Variants in CBLB observed in about 807,000 individuals in gnomAD.
CBLB encodes Cbl proto-oncogene B.
CBLB carries 31 observed loss-of-function variants against 104.9 expected under a neutral mutation model. That is an observed-to-expected ratio of 0.30 (90% CI 0.22 to 0.40). The LOEUF is 0.40. Among genes scored for constraint, CBLB ranks in the 10% least tolerant of loss-of-function variants. The pLI is 1.00. For missense variants in CBLB, 1,062 were observed against 1,214.6 expected (o/e 0.87, Z 1.87); for synonymous variants, 440 against 422.6 (o/e 1.04, Z -0.51).
At chr3:105,790,777 C>G (rs2081541590) in intron 3 of CBLB, among the ~76,000 whole-genome samples, 1 of 152,130 alleles carries the variant, frequency 6.6e-6, no homozygotes, top group African/African-American at 2.4e-5. Context: ...TGAAGGCATA[C>G]AGATGTAGAC....
At chr3:105,842,338 T>G (rs1182192419) in intron 3 of CBLB, among the ~76,000 whole-genome samples, 3 of 152,234 alleles carry the variant, frequency 2.0e-5, no homozygotes, top group Non-Finnish European at 4.4e-5. Context: ...AGCTTCAGGC[T>G]CTTCGCAGTC....
rs769677703 is a variant in CBLB, at chr3:105,734,030, G to A, written c.1182C>T (p.Thr394=). ...KIEPCGHLMC[T]SCLTAWQESD... ...ATACCTGCCATGCCGTAAGGCAAGA[G>A]GTGCACATCAAATGCCCACAAGGCT... is the stretch of plus-strand genomic sequence containing the variant. Residue 394 remains threonine, a synonymous_variant, in exon 9 of 19, where the codon ACC becomes ACT. Coordinates refer to ENST00000394030, the MANE Select transcript of CBLB (RefSeq NM_170662.5). 44 of 1,613,780 alleles carry A rather than the reference G, an allele frequency of 2.7e-5. No individual in the cohort carries two copies. The highest frequency in any genetic ancestry group is 3.6e-5 in the Non-Finnish European group (42 of 1,179,780).
chr3:105,807,722 C>G (rs2083701803), intron 3 of CBLB, among the ~76,000 whole-genome samples: 1 of 152,070 alleles, frequency 6.6e-6, no homozygotes, highest in East Asian at 1.9e-4. Flanking sequence ...AGATCCTTCT[C>G]AAGACTATAC....
At chr3:105,685,868 T>C (rs2066937809) in intron 13 of CBLB, among the ~76,000 whole-genome samples, 1 of 152,210 alleles carries the variant, frequency 6.6e-6, no homozygotes, top group Admixed American at 6.5e-5. Flanking sequence ...GGTTGTTTTA[T>C]ATATTAAAGA....
At position 105,786,403 on chromosome 3, in the gene CBLB, G is replaced by T. The variant is rs528106635; in HGVS notation, c.420-9861C>A. The stretch of plus-strand genomic sequence containing the variant: ...GACAGAATAGATTTCCAGACTCACT[G>T]CAATGTCTCCGGTACTCTGAAAGGC... On this transcript the variant is annotated intron_variant, in intron 3 of 18. Coordinates refer to ENST00000394030, the MANE Select transcript of CBLB (RefSeq NM_170662.5). Among the ~76,000 whole-genome samples the T allele has an allele frequency of 3.9e-5, 6 of 152,244 alleles. No individual in the cohort carries two copies. The East Asian group carries it at 1.2e-3, about 29-fold the overall frequency.
At chr3:105,681,857 A>G (rs1240204130) in intron 14 of CBLB, 39 bp from the exon 15 acceptor site, 1 of 1,173,908 alleles carries the variant, frequency 8.5e-7, no homozygotes, top group Admixed American at 1.7e-5. Flanking sequence ...TAAGGAGAAT[A>G]CTTTCCAATT....
At chr3:105,842,698 C>A (rs1041476504) in intron 3 of CBLB, among the ~76,000 whole-genome samples, 1 of 152,104 alleles carries the variant, frequency 6.6e-6, no homozygotes, top group Non-Finnish European at 1.5e-5. Context: ...TGCCTTGTGT[C>A]CTTAAAAAAT....
At chr3:105,799,053 A>G (rs1445757912) in intron 3 of CBLB, among the ~76,000 whole-genome samples, 1 of 152,160 alleles carries the variant, frequency 6.6e-6, no homozygotes, top group Admixed American at 6.5e-5. Flanking sequence ...ATCCTTCAAG[A>G]TCTAACAAAG....
intron 3 of CBLB, among the ~76,000 whole-genome samples, chr3:105,828,190 C>T (rs1231873904): frequency 2.6e-5 from 4 of 151,940 alleles, no homozygotes; most frequent in Non-Finnish European, 5.9e-5. Context: ...TGTGGCTTCC[C>T]TTTAAGGGCA....
Position 105,702,312 on chromosome 3 carries a change from C to G in CBLB, c.1741G>C (p.Val581Leu). ...GGCATTGGCGGGTCTCTGGAAGGCA[C>G]GCTTTCCACATGATGGATGTGTCTA... ...LSRHIHHVES[V>L]PSRDPPMPLE... Residue 581 changes from valine (V) to leucine (L), a missense_variant, in exon 12 of 19, where the codon GTG (valine) becomes CTG (leucine). Physicochemically the swap from Val to Leu is conservative, Grantham distance 32. This residue lies in a region of CBLB where 605 missense variants were observed against 582.6 expected (regional missense o/e 1.04). Coordinates refer to ENST00000394030, the MANE Select transcript of CBLB (RefSeq NM_170662.5). The G allele has an allele frequency of 6.2e-7, 1 of 1,613,704 alleles. No homozygotes were observed.
upstream of CBLB, chr3:105,869,310 A>C: frequency 8.8e-7 from 1 of 1,137,910 alleles, no homozygotes; most frequent in Non-Finnish European, 1.2e-6. Flanking sequence ...AAATGGACGA[A>C]GGGATGCAAG....
At chr3:105,722,655 T>C (rs893013462) in intron 9 of CBLB, among the ~76,000 whole-genome samples, 1 of 152,200 alleles carries the variant, frequency 6.6e-6, no homozygotes, top group African/African-American at 2.4e-5. Flanking sequence ...CAAGCCACAC[T>C]ATTAGGCTAC....
chr3:105,787,859 G>A (rs1015461796), intron 3 of CBLB, among the ~76,000 whole-genome samples: 4 of 151,696 alleles, frequency 2.6e-5, no homozygotes, highest in African/African-American at 9.7e-5. Flanking sequence ...GAATAACATG[G>A]CCCTCAAAAC....
chr3:105,726,545 CTTTT>C (rs150919735), intron 9 of CBLB, among the ~76,000 whole-genome samples: 1 of 141,196 alleles, frequency 7.1e-6, no homozygotes, highest in African/African-American at 2.6e-5. Context: ...AGCCATTTTC[CTTTT>C]TTTTTTTTTT....
intron 12 of CBLB, among the ~76,000 whole-genome samples, chr3:105,699,698 A>C (rs2068829658): frequency 6.6e-6 from 1 of 152,196 alleles, no homozygotes; most frequent in Admixed American, 6.5e-5. Context: ...CTATGATCTA[A>C]TGAAGTGAAT....
chr3:105,722,313 C>T lies in CBLB; in HGVS notation c.1204-2063G>A, dbSNP rs1194648999. Among the ~76,000 whole-genome samples, 3 of 151,370 alleles carry T rather than the reference C, an allele frequency of 2.0e-5. No homozygotes were observed. In the East Asian group the frequency reaches 5.8e-4, roughly 29 times the overall value. On this transcript the variant is annotated intron_variant, in intron 9 of 18. Coordinates refer to ENST00000394030, the MANE Select transcript of CBLB (RefSeq NM_170662.5). Reference sequence around the variant, plus strand: ...ATGGAAAGCAGTACTTTGAGACGTACATAGTCTCATACATTTAAAAAAATT... The same window carrying T: ...ATGGAAAGCAGTACTTTGAGACGTATATAGTCTCATACATTTAAAAAAATT...
intron 3 of CBLB, among the ~76,000 whole-genome samples, chr3:105,804,371 A>G (rs1201587242): frequency 6.6e-6 from 1 of 151,294 alleles, no homozygotes; most frequent in Non-Finnish European, 1.5e-5. Flanking sequence ...ATACAAAAAA[A>G]CTGGCCAGGC....
intron 3 of CBLB, among the ~76,000 whole-genome samples, chr3:105,791,196 C>T (rs2081593523): frequency 6.6e-6 from 1 of 152,086 alleles, no homozygotes; most frequent in Non-Finnish European, 1.5e-5. Context: ...ATTGAGAAAA[C>T]AAGCAAAAGA....
At chr3:105,767,243 T>C (rs1026459429) in intron 4 of CBLB, among the ~76,000 whole-genome samples, 1 of 152,170 alleles carries the variant, frequency 6.6e-6, no homozygotes, top group Non-Finnish European at 1.5e-5. Flanking sequence ...ACCACTTCTT[T>C]TAATTTAATA....
Sources: gnomAD v4.1 joint callset for allele counts (sites outside exome capture counted in the v4.1 genomes callset) on GRCh38, gnomAD v4.1.1 for gene constraint, gnomAD v4.1.1 regional missense constraint, MANE v1.5 for transcripts, NCBI Gene and HGNC (gene_info 2026-07-23, HGNC 2026-07-21) for gene names.